CAMKMT: variants seen among roughly 807,000 people sequenced by gnomAD.
CAMKMT encodes the protein CaM KMT.
CAMKMT carries 53 observed loss-of-function variants against 48.0 expected under a neutral mutation model. The ratio of observed to expected loss-of-function variants is 1.10; its 90% CI spans 0.89 to 1.39. The LOEUF is 1.39. Among genes scored for constraint, CAMKMT ranks in the 40% most tolerant of loss-of-function variants. The probability of loss-of-function intolerance (pLI) is 0.00; values close to 1 mark genes in which losing one functional copy is unlikely to be tolerated. For missense variants in CAMKMT, 428 were observed against 402.7 expected (o/e 1.06, Z -0.54); for synonymous variants, 165 against 152.3 (o/e 1.08, Z -0.61).
At chr2:44,589,683 T>G (rs57214579) in intron 3 of CAMKMT, among the ~76,000 whole-genome samples, 1 of 79,982 alleles carries the variant, frequency 1.3e-5, no homozygotes, top group Non-Finnish European at 2.7e-5. Context: ...ATGCTTGAAG[T>G]CAGCATGCTC....
intron 3 of CAMKMT, among the ~76,000 whole-genome samples, chr2:44,600,783 T>G (rs1053513458): frequency 6.6e-6 from 1 of 152,120 alleles, no homozygotes; most frequent in African/African-American, 2.4e-5. Flanking sequence ...TAAAATTTCT[T>G]TAGAGAGTTT....
At chr2:44,437,606 G>A (rs551181322) in intron 3 of CAMKMT, among the ~76,000 whole-genome samples, 18 of 152,248 alleles carry the variant, frequency 1.2e-4, no homozygotes, top group African/African-American at 4.1e-4. Context: ...CCAGCACTTT[G>A]GGAGGCTGAG....
chr2:44,766,561 G>C lies in CAMKMT; in HGVS notation c.894G>C (p.Lys298Asn), dbSNP rs1337526057. The C allele has an allele frequency of 1.2e-6, 2 of 1,613,638 alleles. No individual in the cohort carries two copies. The highest frequency in any genetic ancestry group is 1.7e-6 in the Non-Finnish European group (2 of 1,179,956). The part of the protein sequence containing the change: ...YDEHISNFHS[K>N]LKKENPDIYE... ...AACACATTTCAAACTTCCACTCCAA[G>C]GTTAGTTTTCTGCTTGTGTTAGATA... The change falls in exon 10 of 11, where the codon AAG becomes AAC. Residue 298 changes from lysine to asparagine, a missense_variant and splice_region_variant. Physicochemically the swap from Lys to Asn is moderately conservative, Grantham distance 94 (BLOSUM62 0). Transcript: ENST00000378494.
chr2:44,395,880 C>A (rs1015253887), intron 3 of CAMKMT, among the ~76,000 whole-genome samples: 4 of 151,908 alleles, frequency 2.6e-5, no homozygotes, highest in African/African-American at 9.7e-5. Context: ...TATGTGAAAA[C>A]AATGTAAAGC....
chr2:44,624,675 A>G (rs1344145745), intron 3 of CAMKMT, among the ~76,000 whole-genome samples: 2 of 152,210 alleles, frequency 1.3e-5, no homozygotes, highest in African/African-American at 2.4e-5. Flanking sequence ...TTATGGCTGC[A>G]TGGTATTCCA....
intron 3 of CAMKMT, among the ~76,000 whole-genome samples, chr2:44,510,221 T>C (rs572755898): frequency 6.6e-6 from 1 of 152,380 alleles, no homozygotes; most frequent in Non-Finnish European, 1.5e-5. Flanking sequence ...CATTTTATTT[T>C]AGTCTCTTTA....
chr2:44,439,690 C>G (rs1558616275), intron 3 of CAMKMT, among the ~76,000 whole-genome samples: 1 of 151,672 alleles, frequency 6.6e-6, no homozygotes, highest in Non-Finnish European at 1.5e-5. Context: ...TACAAAAAAT[C>G]AGCCGGGCGT....
chr2:44,650,242 C>T (rs1230150641), intron 3 of CAMKMT, among the ~76,000 whole-genome samples: 2 of 152,168 alleles, frequency 1.3e-5, no homozygotes, highest in Non-Finnish European at 2.9e-5. Flanking sequence ...CGTCCCTGGG[C>T]TTGCAGCTGC....
At position 44,743,706 on chromosome 2, in the gene CAMKMT, T is replaced by C. The variant is rs1028813869; in HGVS notation, c.698+10T>C. The C allele has an allele frequency of 7.5e-6, 12 of 1,602,734 alleles. No homozygotes were observed. The Admixed American group carries it at 1.8e-4, about 25-fold the overall frequency. ...TTATGTGTGCTGACTGGTAAGTACA[T>C]AAAAATCACAAAACTCCTGTTAGAA... On this transcript the variant is annotated intron_variant, in intron 8 of 10. Transcript: ENST00000378494.
At chr2:44,691,044 T>C (rs1352931936) in intron 3 of CAMKMT, among the ~76,000 whole-genome samples, 1 of 152,180 alleles carries the variant, frequency 6.6e-6, no homozygotes, top group Non-Finnish European at 1.5e-5. Context: ...GCTCCTATTC[T>C]GATTAATCCC....
chr2:44,372,844 C>G lies in CAMKMT; in HGVS notation c.267C>G (p.Val89=), dbSNP rs747080376. ...RETEEEVGAW[V]QYTSIFCPEY... ...CTGAAGAGGAGGTTGGTGCATGGGT[C>G]CAATATACAAGCATCTTCTGTCCTG... The change falls in exon 2 of 11, where the codon GTC becomes GTG. Residue 89 remains valine (V), a synonymous_variant. Coordinates refer to ENST00000378494, the MANE Select transcript of CAMKMT (RefSeq NM_024766.5). 6.2e-7 allele frequency: 1 copy of G among 1,613,814 alleles called. No individual in the cohort carries two copies. Among genetic ancestry groups the G allele is most frequent in the Admixed American group, 1.7e-5 (1 of 59,974 alleles).
intron 3 of CAMKMT, among the ~76,000 whole-genome samples, chr2:44,458,208 G>A (rs572878022): frequency 6.1e-4 from 93 of 151,810 alleles, no homozygotes; most frequent in Non-Finnish European, 1.0e-3. Context: ...CATCATGCCC[G>A]GCTAATTTTT....
intron 7 of CAMKMT, among the ~76,000 whole-genome samples, chr2:44,716,742 G>A (rs986703113): frequency 2.6e-5 from 4 of 152,038 alleles, no homozygotes; most frequent in African/African-American, 9.7e-5. Context: ...TTTTCAACCT[G>A]GTCTTTTAGT....
chr2:44,759,387 T>A (rs1453123014), intron 9 of CAMKMT, among the ~76,000 whole-genome samples: 1 of 152,212 alleles, frequency 6.6e-6, no homozygotes, highest in Non-Finnish European at 1.5e-5. Context: ...CCCAAAGTGC[T>A]GGGATGACAG....
At chr2:44,722,732 G>C (rs1282563395) in intron 7 of CAMKMT, among the ~76,000 whole-genome samples, 1 of 152,118 alleles carries the variant, frequency 6.6e-6, no homozygotes, top group African/African-American at 2.4e-5. Flanking sequence ...TTTCATCTGA[G>C]ATGGTATATA....
chr2:44,489,205 G>A (rs1321266227), intron 3 of CAMKMT, among the ~76,000 whole-genome samples: 1 of 148,412 alleles, frequency 6.7e-6, no homozygotes, highest in South Asian at 2.2e-4. Context: ...TCTTCCTCTA[G>A]TCTAATGGTT....
At chr2:44,456,206 G>T (rs1419017892) in intron 3 of CAMKMT, among the ~76,000 whole-genome samples, 1 of 152,092 alleles carries the variant, frequency 6.6e-6, no homozygotes, top group Non-Finnish European at 1.5e-5. Flanking sequence ...TTATTTATGT[G>T]CGTGAGTATG....
At chr2:44,608,335 G>A (rs1671413625) in intron 3 of CAMKMT, among the ~76,000 whole-genome samples, 1 of 151,960 alleles carries the variant, frequency 6.6e-6, no homozygotes, top group African/African-American at 2.4e-5. Context: ...GCCTCCCAAA[G>A]TGCTGGGATT....
At chr2:44,561,696 A>G (rs1350309964) in intron 3 of CAMKMT, among the ~76,000 whole-genome samples, 2 of 152,238 alleles carry the variant, frequency 1.3e-5, no homozygotes, top group African/African-American at 2.4e-5. Flanking sequence ...AGCTATAGAT[A>G]GACAACAATA....
Sources: gnomAD v4.1 joint callset for allele counts (sites outside exome capture counted in the v4.1 genomes callset) on GRCh38, gnomAD v4.1.1 for gene constraint, MANE v1.5 for transcripts, NCBI Gene and HGNC (gene_info 2026-07-23, HGNC 2026-07-21) for gene names.